The following ADGRB3 variants were observed in gnomAD, a reference collection of about 807,000 sequenced individuals.
The protein encoded by ADGRB3 is brain-specific angiogenesis inhibitor 3.
Under a neutral mutation model 193.4 loss-of-function variants are expected in ADGRB3, and 37 were observed. The ratio of observed to expected loss-of-function variants is 0.19; its 90% CI spans 0.15 to 0.25. The LOEUF (loss-of-function observed/expected upper bound fraction) is 0.25, where lower values mean the gene tolerates loss of function less well. Ranked by LOEUF, ADGRB3 falls within the 10% of genes least tolerant of loss-of-function variation. The pLI, the probability that ADGRB3 is intolerant of heterozygous loss-of-function variation, is 1.00. For synonymous variants in ADGRB3, 690 were observed against 644.2 expected (o/e 1.07, Z -1.08); for missense variants, 1,637 against 1,852.9 (o/e 0.88, Z 2.14).
intron 11 of ADGRB3, among the ~76,000 whole-genome samples, chr6:69,009,865 C>CT (rs1314522984): frequency 6.6e-6 from 1 of 152,030 alleles, no homozygotes; most frequent in Non-Finnish European, 1.5e-5. Flanking sequence ...ATCTACAACT[C>CT]TATTTCCATG....
chr6:69,215,538 T>A (rs1224867655), intron 17 of ADGRB3, among the ~76,000 whole-genome samples: 1 of 152,098 alleles, frequency 6.6e-6, no homozygotes, highest in Non-Finnish European at 1.5e-5. Context: ...TTATGAAATA[T>A]CCATTGCTTT....
chr6:69,196,052 T>A (rs1216166644), intron 17 of ADGRB3, among the ~76,000 whole-genome samples: 13 of 152,122 alleles, frequency 8.5e-5, no homozygotes, highest in Admixed American at 8.5e-4. Flanking sequence ...GTTTTAAATG[T>A]GAGACTCCTG....
At chr6:69,291,883 A>G (rs990011645) in intron 20 of ADGRB3, among the ~76,000 whole-genome samples, 1 of 152,114 alleles carries the variant, frequency 6.6e-6, no homozygotes, top group Non-Finnish European at 1.5e-5. Flanking sequence ...GGATTTTCTG[A>G]CCTTGCCCTG....
intron 17 of ADGRB3, among the ~76,000 whole-genome samples, chr6:69,088,119 T>G (rs1039145000): frequency 6.6e-6 from 1 of 152,194 alleles, no homozygotes; most frequent in Non-Finnish European, 1.5e-5. Context: ...ATTTCACTTT[T>G]TCCAACACCT....
At chr6:69,186,390 A>G (rs1423743948) in intron 17 of ADGRB3, among the ~76,000 whole-genome samples, 3 of 152,066 alleles carry the variant, frequency 2.0e-5, no homozygotes, top group East Asian at 3.9e-4. Context: ...TCAGAAATAT[A>G]TAATTCATTG....
At chr6:69,047,847 A>T (rs1771280565) in intron 13 of ADGRB3, among the ~76,000 whole-genome samples, 1 of 152,144 alleles carries the variant, frequency 6.6e-6, no homozygotes, top group South Asian at 2.1e-4. Context: ...GAATGTTTTT[A>T]AAAAATACAG....
At chr6:68,884,544 C>G (rs1273620184) in intron 3 of ADGRB3, among the ~76,000 whole-genome samples, 1 of 151,990 alleles carries the variant, frequency 6.6e-6, no homozygotes, top group Non-Finnish European at 1.5e-5. Flanking sequence ...CAGAAAACCC[C>G]TGAGACATGA....
chr6:69,360,002 A>T (rs760995119), intron 28 of ADGRB3, among the ~76,000 whole-genome samples: 31 of 151,826 alleles, frequency 2.0e-4, no homozygotes, highest in Non-Finnish European at 3.5e-4. Context: ...AAAAAAACTA[A>T]AATATATTTT....
chr6:68,884,159 T>G (rs1240687142), intron 3 of ADGRB3, among the ~76,000 whole-genome samples: 2 of 152,196 alleles, frequency 1.3e-5, no homozygotes, highest in Non-Finnish European at 2.9e-5. Context: ...TCGACTTACT[T>G]TTAGATTCAA....
chr6:69,051,565 G>A (rs1771394427), intron 15 of ADGRB3, among the ~76,000 whole-genome samples: 1 of 152,150 alleles, frequency 6.6e-6, no homozygotes, highest in Non-Finnish European at 1.5e-5. Context: ...AGTACTCTTA[G>A]AAAGGTGAAG....
chr6:69,034,497 C>A (rs576595469), intron 13 of ADGRB3, among the ~76,000 whole-genome samples: 252 of 149,140 alleles, frequency 1.7e-3, no homozygotes, highest in Non-Finnish European at 2.9e-3. Flanking sequence ...GGTTGATATG[C>A]TCTTTTTAGC....
chr6:68,738,206 G>C (rs997627311), intron 3 of ADGRB3, among the ~76,000 whole-genome samples: 1 of 152,144 alleles, frequency 6.6e-6, no homozygotes, highest in Non-Finnish European at 1.5e-5. Context: ...GAAAGCCATT[G>C]TGGCAAACTC....
intron 13 of ADGRB3, among the ~76,000 whole-genome samples, chr6:69,025,006 A>G (rs931501262): frequency 6.6e-6 from 1 of 151,738 alleles, no homozygotes; most frequent in African/African-American, 2.4e-5. Context: ...GTAGGAGAAT[A>G]GCGTGAACCC....
chr6:68,987,683 A>G (rs994175662), intron 10 of ADGRB3, among the ~76,000 whole-genome samples: 2 of 152,132 alleles, frequency 1.3e-5, no homozygotes, highest in African/African-American at 4.8e-5. Flanking sequence ...CTTAGGAGCT[A>G]TGCAATCCTG....
chr6:68,764,777 A>G (rs1182745400), intron 3 of ADGRB3, among the ~76,000 whole-genome samples: 1 of 151,252 alleles, frequency 6.6e-6, no homozygotes, highest in African/African-American at 2.5e-5. Flanking sequence ...GAATTCATTG[A>G]TTAACTTAAA....
chr6:68,868,842 G>A (rs1314290552), intron 3 of ADGRB3, among the ~76,000 whole-genome samples: 3 of 151,582 alleles, frequency 2.0e-5, no homozygotes, highest in Non-Finnish European at 4.4e-5. Flanking sequence ...ACAAACTCCT[G>A]GAAGTGTTGG....
At position 69,330,506 on chromosome 6, in the gene ADGRB3, C is replaced by T. The variant is rs1459228356; in HGVS notation, c.3036C>T (p.Tyr1012=). 1.2e-6 allele frequency: 2 copies of T among 1,601,956 alleles called. No homozygotes were observed. Among genetic ancestry groups the T allele is most frequent in the East Asian group, 2.2e-5 (1 of 44,634 alleles). The change falls in exon 23 of 32, where the codon TAC becomes TAT. Residue 1012 remains tyrosine, a splice_region_variant and synonymous_variant. Transcript: ENST00000370598. ...TRTKGYGTDH[Y]CWLSLEGGLL... is the part of the protein sequence containing the mutation. ...AGTTCTTATCTAATGTCATTTTCAG[C>T]TGCTGGCTCTCTCTTGAAGGAGGAC...
chr6:69,109,165 T>A (rs956830932), intron 17 of ADGRB3, among the ~76,000 whole-genome samples: 1 of 146,086 alleles, frequency 6.8e-6, no homozygotes, highest in African/African-American at 2.4e-5. Flanking sequence ...TCTCTTAGTA[T>A]AAGCAAAATT....
intron 3 of ADGRB3, among the ~76,000 whole-genome samples, chr6:68,783,235 A>G (rs968262553): frequency 1.3e-5 from 2 of 150,110 alleles, no homozygotes; most frequent in African/African-American, 4.9e-5. Flanking sequence ...AGATTCTGAT[A>G]TAGACCATCT....
Sources: gnomAD v4.1 joint callset for allele counts (sites outside exome capture counted in the v4.1 genomes callset) on GRCh38, gnomAD v4.1.1 for gene constraint, MANE v1.5 for transcripts, NCBI Gene and HGNC (gene_info 2026-07-23, HGNC 2026-07-21) for gene names.